Variants in ATXN2 observed in about 807,000 individuals in gnomAD.
ATXN2 encodes ataxin-2.
A neutral mutation model predicts 138.6 loss-of-function variants in ATXN2; 37 were observed. The observed-to-expected ratio is 0.27, with a 90% CI of 0.21 to 0.35. The LOEUF (loss-of-function observed/expected upper bound fraction) is 0.35, where lower values mean the gene tolerates loss of function less well. Among genes scored for constraint, ATXN2 ranks in the 10% least tolerant of loss-of-function variants. The pLI, the probability that ATXN2 is intolerant of heterozygous loss-of-function variation, is 1.00. For missense variants in ATXN2, 1,216 were observed against 1,480.3 expected, an observed-to-expected ratio of 0.82 and a Z score of 2.93; for synonymous variants, 549 against 543.7, an observed-to-expected ratio of 1.01 and a Z score of -0.13.
intron 5 of ATXN2, among the ~76,000 whole-genome samples, chr12:111,545,362 T>C (rs1277464508): frequency 6.6e-6 from 1 of 151,672 alleles, no homozygotes; most frequent in African/African-American, 2.4e-5. Flanking sequence ...TTTGGGAGGC[T>C]GAGGCAGGTG....
At chr12:111,541,343 ATTCT>A (rs946496801) in intron 5 of ATXN2, among the ~76,000 whole-genome samples, 3 of 123,424 alleles carry the variant, frequency 2.4e-5, no homozygotes, top group Non-Finnish European at 5.1e-5. Flanking sequence ...GACAGTTATA[ATTCT>A]TTTTTTTTTT....
chr12:111,454,907 A>C, intron 23 of ATXN2: 1 of 622,476 alleles, frequency 1.6e-6, no homozygotes, highest in Non-Finnish European at 3.0e-6. Flanking sequence ...CCACCAAACC[A>C]CGCTGGCCCA....
rs1877779377 is a variant in ATXN2 at position 111,488,399 on chromosome 12, T to C, written c.2240+77A>G. On this transcript the variant is annotated intron_variant, in intron 15 of 24. Coordinates refer to ENST00000673436, the MANE Select transcript of ATXN2 (RefSeq NM_001372574.1). ...AAAAGTCCAGATGGATTCTTCACAG[T>C]TGGAAGGACCTAAATGCCTTTAAAA... 2.1e-6 allele frequency: 3 copies of C among 1,433,358 alleles called. No homozygotes were observed. In the African/African-American group the frequency reaches 4.3e-5, roughly 21 times the overall value. The allele number at this position is 1,433,358 out of a possible 1,614,324, so 88.8% of individuals were successfully genotyped here.
At chr12:111,566,474 G>A (rs1041268560) in intron 1 of ATXN2, among the ~76,000 whole-genome samples, 3 of 150,772 alleles carry the variant, frequency 2.0e-5, no homozygotes, top group Non-Finnish European at 1.5e-5. Flanking sequence ...AATACATTCT[G>A]TAAGGCTACT....
At chr12:111,529,480 C>T (rs1880690047) in intron 5 of ATXN2, among the ~76,000 whole-genome samples, 1 of 152,170 alleles carries the variant, frequency 6.6e-6, no homozygotes, top group South Asian at 2.1e-4. Context: ...GACTAGCAGG[C>T]GATGTTGGAG....
At chr12:111,495,607 AG>A (rs1232746178) in intron 14 of ATXN2, among the ~76,000 whole-genome samples, 3 of 152,234 alleles carry the variant, frequency 2.0e-5, no homozygotes, top group Non-Finnish European at 4.4e-5. Context: ...AAACATTATT[AG>A]AGCAAAAAAG....
At chr12:111,578,423 T>G (rs927128765) in intron 1 of ATXN2, among the ~76,000 whole-genome samples, 4 of 152,148 alleles carry the variant, frequency 2.6e-5, no homozygotes, top group African/African-American at 9.7e-5. Flanking sequence ...TTTTCTATGT[T>G]TAGATATGTT....
At chr12:111,533,682 T>C (rs565138930) in intron 5 of ATXN2, among the ~76,000 whole-genome samples, 10 of 152,262 alleles carry the variant, frequency 6.6e-5, no homozygotes, top group Admixed American at 5.9e-4. Context: ...TGCACTACCA[T>C]GGCCAGCTAA....
intron 14 of ATXN2, among the ~76,000 whole-genome samples, chr12:111,505,761 G>A (rs1879066318): frequency 6.6e-6 from 1 of 152,204 alleles, no homozygotes; most frequent in East Asian, 1.9e-4. Flanking sequence ...AAATAGTGTA[G>A]ATATCTTGGC....
chr12:111,556,024 C>T, intron 1 of ATXN2, 105 bp from the exon 2 acceptor site: 1 of 925,306 alleles, frequency 1.1e-6, no homozygotes, highest in South Asian at 1.7e-5. Flanking sequence ...GAGAGGCTAT[C>T]TGTGGGGAGA....
At chr12:111,532,690 G>A (rs1013536392) in intron 5 of ATXN2, among the ~76,000 whole-genome samples, 1 of 152,026 alleles carries the variant, frequency 6.6e-6, no homozygotes, top group Non-Finnish European at 1.5e-5. Flanking sequence ...GGTCATCAAT[G>A]CCCTGAATTC....
In ATXN2 at chr12:111,565,457, TAAAGA is replaced by T. The variant is rs563863560; in HGVS notation, c.252-9543_252-9539del. 1.5e-3 allele frequency among the ~76,000 whole-genome samples: 224 copies of T among 152,286 alleles called. 1 individual carries two copies. Among genetic ancestry groups the T allele is most frequent in the South Asian group, 2.9e-3 (14 of 4,824 alleles). On this transcript the variant is annotated intron_variant, in intron 1 of 24. Coordinates refer to ENST00000673436, the MANE Select transcript of ATXN2 (RefSeq NM_001372574.1). ...TGTATTTTACAATAATTGTAAATAA[TAAAGA>T]AAAGATTGTATTTTACAATTGTAAA...
intron 1 of ATXN2, among the ~76,000 whole-genome samples, chr12:111,595,174 C>A (rs1282716473): frequency 6.6e-6 from 1 of 152,118 alleles, no homozygotes; most frequent in Admixed American, 6.6e-5. Context: ...TAATAGAGCA[C>A]CGCTAGCAAG....
chr12:111,489,352 C>T (rs775035472), intron 14 of ATXN2, among the ~76,000 whole-genome samples: 3 of 152,098 alleles, frequency 2.0e-5, no homozygotes, highest in Non-Finnish European at 4.4e-5. Context: ...CGGTGGCTCA[C>T]GCCTGTAATC....
chr12:111,517,735 C>T (rs1000687141), intron 9 of ATXN2, among the ~76,000 whole-genome samples: 1 of 152,118 alleles, frequency 6.6e-6, no homozygotes, highest in African/African-American at 2.4e-5. Context: ...AAGCAAATTT[C>T]TCTAGTCACT....
intron 5 of ATXN2, among the ~76,000 whole-genome samples, chr12:111,537,519 G>A (rs1013279098): frequency 6.6e-6 from 1 of 151,322 alleles, no homozygotes; most frequent in African/African-American, 2.4e-5. Context: ...GGAGGCAGAG[G>A]ATGCAGTGAG....
intron 1 of ATXN2, among the ~76,000 whole-genome samples, chr12:111,559,633 G>A (rs956666146): frequency 1.3e-4 from 20 of 151,410 alleles, no homozygotes; most frequent in Non-Finnish European, 1.5e-4. Context: ...TTAGCCAGGC[G>A]TGGTGGTGCA....
intron 18 of ATXN2, among the ~76,000 whole-genome samples, chr12:111,476,460 CAA>C (rs915476297): frequency 7.8e-6 from 1 of 128,746 alleles, no homozygotes; most frequent in Non-Finnish European, 1.7e-5. Flanking sequence ...TACAATAAGA[CAA>C]AAAAAAAAAA....
chr12:111,580,896 T>C (rs910388917), intron 1 of ATXN2, among the ~76,000 whole-genome samples: 2 of 151,892 alleles, frequency 1.3e-5, no homozygotes, highest in African/African-American at 2.4e-5. Context: ...ATCCCAGCAC[T>C]GGGAGGCCGA....
Sources: gnomAD v4.1 joint callset for allele counts (sites outside exome capture counted in the v4.1 genomes callset) on GRCh38, gnomAD v4.1.1 for gene constraint, MANE v1.5 for transcripts, NCBI Gene and HGNC (gene_info 2026-07-23, HGNC 2026-07-21) for gene names.